The following SPPL3 variants were observed in gnomAD, a reference collection of about 807,000 sequenced individuals.
SPPL3 encodes the protein signal peptide peptidase like 3.
SPPL3 carries 5 observed loss-of-function variants against 42.4 expected under a neutral mutation model. That is an observed-to-expected ratio of 0.12 (90% CI 0.06 to 0.25). The LOEUF is 0.25. SPPL3 is among the 10% of genes least tolerant of loss of function. The pLI, the probability that SPPL3 is intolerant of heterozygous loss-of-function variation, is 1.00. For missense variants in SPPL3, 235 were observed against 489.0 expected (o/e 0.48, Z 4.90); for synonymous variants, 195 against 181.8 (o/e 1.07, Z -0.58).
chr12:120,884,033 G>A (rs532144589), intron 1 of SPPL3, among the ~76,000 whole-genome samples: 21 of 151,940 alleles, frequency 1.4e-4, no homozygotes, highest in East Asian at 7.7e-4. Flanking sequence ...CCCAGGAGGC[G>A]GAGGTTGTGG....
chr12:120,796,760 C>CA (rs1342199138), intron 2 of SPPL3, among the ~76,000 whole-genome samples: 1 of 152,156 alleles, frequency 6.6e-6, no homozygotes, highest in Non-Finnish European at 1.5e-5. Flanking sequence ...TATCCAATGC[C>CA]AAATGAATTG....
chr12:120,831,285 G>A (rs1029041007), intron 1 of SPPL3, among the ~76,000 whole-genome samples: 3 of 151,998 alleles, frequency 2.0e-5, no homozygotes, highest in Non-Finnish European at 4.4e-5. Flanking sequence ...CTCTGCCCGA[G>A]CCAATTCCTA....
chr12:120,763,119 G>A lies in SPPL3; in HGVS notation c.*1880C>T, dbSNP rs1290697805. On this transcript the variant is annotated 3_prime_UTR_variant, in exon 11 of 11. Transcript: ENST00000353487. ...CTATGACTGGGCCAGAGCTGCAGAT[G>A]ACCAGGTCTGGGGACAGACAGAGTC... The A allele has an allele frequency of 1.3e-5, 2 of 152,262 alleles. No homozygotes were observed. Among genetic ancestry groups the A allele is most frequent in the Non-Finnish European group, 1.5e-5 (1 of 68,064 alleles). The allele number at this position is 152,262 out of a possible 1,614,324, so 9.4% of individuals were successfully genotyped here.
At chr12:120,897,949 T>C (rs894650178) in intron 1 of SPPL3, among the ~76,000 whole-genome samples, 2 of 152,080 alleles carry the variant, frequency 1.3e-5, no homozygotes, top group African/African-American at 4.8e-5. Context: ...ATACCTGACA[T>C]GTAATGACCA....
intron 2 of SPPL3, among the ~76,000 whole-genome samples, chr12:120,802,962 C>T (rs1446906785): frequency 6.6e-6 from 1 of 152,186 alleles, no homozygotes. Flanking sequence ...ATTGAAGGTA[C>T]TACAATTCAT....
chr12:120,784,613 A>T lies in SPPL3; in HGVS notation c.191-20T>A. On this transcript the variant is annotated intron_variant, in intron 3 of 10. Transcript: ENST00000353487. ...GGATGCCTGAAAGAGAAAAACAGACAGATTAATAACTTATTATGCACCAGG... is the reference window on the plus strand; with the variant it reads ...GGATGCCTGAAAGAGAAAAACAGACTGATTAATAACTTATTATGCACCAGG... 1 of 1,588,366 alleles carries T rather than the reference A, an allele frequency of 6.3e-7. No homozygotes were observed.
intron 10 of SPPL3, 121 bp downstream of exon 10, chr12:120,766,142 A>G: frequency 1.5e-6 from 1 of 656,450 alleles, no homozygotes; most frequent in Non-Finnish European, 2.5e-6. Flanking sequence ...ACACACACAC[A>G]GTCGAGATCA....
chr12:120,816,922 A>G (rs543792705), intron 1 of SPPL3, among the ~76,000 whole-genome samples: 1 of 152,202 alleles, frequency 6.6e-6, no homozygotes, highest in South Asian at 2.1e-4. Flanking sequence ...AATCCTTTAT[A>G]TCTTTCTATT....
intron 1 of SPPL3, among the ~76,000 whole-genome samples, chr12:120,877,463 C>T (rs988217626): frequency 7.2e-5 from 11 of 152,142 alleles, no homozygotes; most frequent in African/African-American, 2.7e-4. Context: ...AAAATGTTAG[C>T]AAATCAAACC....
At chr12:120,767,007 T>C (rs543520453) in intron 9 of SPPL3, among the ~76,000 whole-genome samples, 3 of 152,322 alleles carry the variant, frequency 2.0e-5, no homozygotes, top group South Asian at 4.1e-4. Context: ...GCTACAAAAC[T>C]TGGCCTAGGT....
intron 2 of SPPL3, among the ~76,000 whole-genome samples, chr12:120,803,988 C>T (rs1179198459): frequency 2.0e-5 from 3 of 152,162 alleles, no homozygotes; most frequent in Non-Finnish European, 4.4e-5. Flanking sequence ...ATTATATGCA[C>T]TTAGAATGAA....
intron 1 of SPPL3, 25 bp from the exon 2 acceptor site, chr12:120,810,911 T>C (rs893075599): frequency 1.9e-6 from 3 of 1,556,394 alleles, no homozygotes; most frequent in Non-Finnish European, 2.7e-6. Context: ...GGAAAAAAAT[T>C]TAAATCACAT....
chr12:120,904,166 G>C lies in SPPL3; in HGVS notation c.-299C>G, dbSNP rs1425439026. 2 of 280,792 alleles carry C rather than the reference G, an allele frequency of 7.1e-6. No homozygotes were observed. Among genetic ancestry groups the C allele is most frequent in the Non-Finnish European group, 1.3e-5 (2 of 152,460 alleles). The allele number at this position is 280,792 out of a possible 1,614,324, so 17.4% of individuals were successfully genotyped here. A position where few individuals can be genotyped will look rare whatever the true frequency, so the allele number is the denominator to read the frequency against. Reference sequence around the variant, plus strand: ...CCAACATGGCGGCGGCGGCGGCGCGGAGAACAAGGGGGCCCTGGGGCGGGC... The same window carrying C: ...CCAACATGGCGGCGGCGGCGGCGCGCAGAACAAGGGGGCCCTGGGGCGGGC... On this transcript the variant is annotated 5_prime_UTR_variant, in exon 1 of 11. Coordinates refer to ENST00000353487, the MANE Select transcript of SPPL3 (RefSeq NM_139015.5).
rs1874075834 is a variant in SPPL3 at position 120,904,026 on chromosome 12, G to A, written c.-159C>T. ...ACGGCGGGCCGGGAAGGCGGCTGGCGGGGAGAGGCCGGGCTCCGAAGCGGC... is the reference window on the plus strand; with the variant it reads ...ACGGCGGGCCGGGAAGGCGGCTGGCAGGGAGAGGCCGGGCTCCGAAGCGGC... On this transcript the variant is annotated 5_prime_UTR_variant, in exon 1 of 11. Coordinates refer to ENST00000353487, the MANE Select transcript of SPPL3 (RefSeq NM_139015.5). The A allele has an allele frequency of 5.6e-6, 3 of 535,852 alleles. 1 individual carries two copies. The highest frequency in any genetic ancestry group is 1.7e-4 in the South Asian group (2 of 11,698). The allele number at this position is 535,852 out of a possible 1,614,324, so 33.2% of individuals were successfully genotyped here. A position where few individuals can be genotyped will look rare whatever the true frequency, so the allele number is the denominator to read the frequency against.
At chr12:120,804,415 AT>A (rs1175459639) in intron 2 of SPPL3, among the ~76,000 whole-genome samples, 1 of 152,192 alleles carries the variant, frequency 6.6e-6, no homozygotes, top group Non-Finnish European at 1.5e-5. Context: ...AGAAAACCCA[AT>A]TTAAAAATGG....
intron 1 of SPPL3, 31 bp downstream of exon 1, chr12:120,903,814 G>A (rs1874067201): frequency 2.2e-6 from 3 of 1,378,598 alleles, no homozygotes; most frequent in South Asian, 1.4e-5. Context: ...CACCCTTGCC[G>A]CCTCCCGGCC....
intron 1 of SPPL3, among the ~76,000 whole-genome samples, chr12:120,816,428 A>G (rs777404064): frequency 6.6e-6 from 1 of 152,378 alleles, no homozygotes; most frequent in East Asian, 1.9e-4. Context: ...CAAATATCAC[A>G]TAACTAGAAG....
chr12:120,819,001 A>G (rs902915757), intron 1 of SPPL3, among the ~76,000 whole-genome samples: 2 of 152,232 alleles, frequency 1.3e-5, no homozygotes, highest in Non-Finnish European at 2.9e-5. Flanking sequence ...GGATTCTCAT[A>G]TCGGCTTCTG....
At chr12:120,796,354 C>A (rs576860036) in intron 2 of SPPL3, among the ~76,000 whole-genome samples, 1 of 152,154 alleles carries the variant, frequency 6.6e-6, no homozygotes, top group South Asian at 2.1e-4. Flanking sequence ...CCAGCCTGGA[C>A]GACAGAGCAA....
Sources: gnomAD v4.1 joint callset for allele counts (sites outside exome capture counted in the v4.1 genomes callset) on GRCh38, gnomAD v4.1.1 for gene constraint, MANE v1.5 for transcripts, NCBI Gene and HGNC (gene_info 2026-07-23, HGNC 2026-07-21) for gene names.